Variants in DAB1 observed in about 807,000 individuals in gnomAD.
DAB1 encodes the protein disabled homolog 1.
DAB1 carries 15 observed loss-of-function variants against 64.6 expected under a neutral mutation model. That is an observed-to-expected ratio of 0.23 (90% CI 0.16 to 0.36). The LOEUF (loss-of-function observed/expected upper bound fraction) is 0.36, where lower values mean the gene tolerates loss of function less well. Among genes scored for constraint, DAB1 ranks in the 10% least tolerant of loss-of-function variants. The probability of loss-of-function intolerance (pLI) is 1.00; values close to 1 mark genes in which losing one functional copy is unlikely to be tolerated. For missense variants in DAB1, 596 were observed against 706.7 expected, an observed-to-expected ratio of 0.84 and a Z score of 1.78; for synonymous variants, 235 against 251.9, an observed-to-expected ratio of 0.93 and a Z score of 0.64.
intron 2 of DAB1, among the ~76,000 whole-genome samples, chr1:57,252,565 T>C (rs1376521506): frequency 6.6e-6 from 1 of 152,228 alleles, no homozygotes; most frequent in Non-Finnish European, 1.5e-5. Flanking sequence ...AGTTAATTTG[T>C]ACCTACTATG....
At chr1:57,379,211 T>C (rs1001429178) in intron 1 of DAB1, among the ~76,000 whole-genome samples, 6 of 152,198 alleles carry the variant, frequency 3.9e-5, no homozygotes, top group African/African-American at 1.4e-4. Flanking sequence ...ATTGAAGTTA[T>C]GTGTGAGATC....
intron 2 of DAB1, among the ~76,000 whole-genome samples, chr1:57,198,561 T>G (rs1664818403): frequency 6.6e-6 from 1 of 151,346 alleles, no homozygotes; most frequent in African/African-American, 2.4e-5. Context: ...GCATTTGCTG[T>G]TCTCTCTACC....
intron 5 of DAB1, among the ~76,000 whole-genome samples, chr1:57,906,799 C>T (rs536300844): frequency 1.3e-5 from 2 of 152,090 alleles, no homozygotes. Flanking sequence ...TGCCTAAGTC[C>T]CTTCTCGTTC....
intron 4 of DAB1, among the ~76,000 whole-genome samples, chr1:58,220,026 AATGAG>A (rs1159390649): frequency 2.6e-5 from 4 of 152,236 alleles, no homozygotes; most frequent in Non-Finnish European, 5.9e-5. Flanking sequence ...GTGCGTATTA[AATGAG>A]ATAACAGAAG....
intron 4 of DAB1, among the ~76,000 whole-genome samples, chr1:58,295,430 T>A (rs1020215856): frequency 1.3e-5 from 2 of 152,082 alleles, no homozygotes; most frequent in African/African-American, 2.4e-5. Context: ...GGGGAAAGCA[T>A]TTTGTAACCC....
At chr1:58,384,429 A>T (rs55875707) in intron 3 of DAB1, among the ~76,000 whole-genome samples, 62,667 of 151,998 alleles carry the variant, frequency 0.41, 13,216 homozygotes, top group East Asian at 0.63. Context: ...ATAAGGAAGT[A>T]CCAGGGATCT....
chr1:57,274,642 G>T (rs145040501), intron 2 of DAB1, among the ~76,000 whole-genome samples: 4,436 of 152,178 alleles, frequency 0.029, 64 homozygotes, highest in Non-Finnish European at 0.038. Flanking sequence ...GTGCAGCTGC[G>T]CCATCTCAGC....
chr1:58,056,309 C>A, intron 5 of DAB1: 2 of 1,528,430 alleles, frequency 1.3e-6, no homozygotes, highest in Non-Finnish European at 1.8e-6. Flanking sequence ...GCATCGAAGA[C>A]GCTCGCTTCA....
chr1:57,432,031 A>C (rs1685536162), intron 7 of DAB1, among the ~76,000 whole-genome samples: 1 of 152,008 alleles, frequency 6.6e-6, no homozygotes, highest in East Asian at 1.9e-4. Flanking sequence ...CTGAGGCAGG[A>C]GAATTGCTTT....
At chr1:57,526,498 A>G (rs1458014539) in intron 7 of DAB1, among the ~76,000 whole-genome samples, 1 of 152,188 alleles carries the variant, frequency 6.6e-6, no homozygotes, top group Non-Finnish European at 1.5e-5. Context: ...CATCTAATTT[A>G]TTTCGATGTA....
At chr1:57,351,504 C>T (rs1678587695) in intron 1 of DAB1, among the ~76,000 whole-genome samples, 2 of 151,980 alleles carry the variant, frequency 1.3e-5, no homozygotes, top group South Asian at 4.2e-4. Flanking sequence ...CGAGCACAGC[C>T]CACTAAGACC....
At chr1:57,229,087 AC>A (rs1437939037) in intron 2 of DAB1, among the ~76,000 whole-genome samples, 2 of 152,220 alleles carry the variant, frequency 1.3e-5, no homozygotes, top group Non-Finnish European at 2.9e-5. Flanking sequence ...TTTTTTAGAA[AC>A]CCTCTTAGAA....
chr1:58,210,074 C>T (rs997482778), intron 4 of DAB1, among the ~76,000 whole-genome samples: 2 of 152,092 alleles, frequency 1.3e-5, no homozygotes, highest in African/African-American at 4.8e-5. Context: ...AAGAAATAAA[C>T]CTTCTACATA....
At chr1:57,866,857 C>G (rs1248449780) in intron 1 of DAB1, among the ~76,000 whole-genome samples, 1 of 152,136 alleles carries the variant, frequency 6.6e-6, no homozygotes, top group African/African-American at 2.4e-5. Context: ...TATGAACTCC[C>G]TGGGCTGAAT....
chr1:57,142,151 A>G (rs1356856320), intron 3 of DAB1, among the ~76,000 whole-genome samples: 2 of 152,178 alleles, frequency 1.3e-5, no homozygotes, highest in Non-Finnish European at 2.9e-5. Flanking sequence ...TAGACAGGCA[A>G]TGGGTCACTC....
At chr1:58,500,276 G>T (rs1645885095) in intron 3 of DAB1, among the ~76,000 whole-genome samples, 1 of 152,110 alleles carries the variant, frequency 6.6e-6, no homozygotes, top group Admixed American at 6.6e-5. Flanking sequence ...CAGCTGCTAT[G>T]ATATTTGCCT....
At chr1:57,425,186 C>G (rs1558364750), upstream of DAB1, among the ~76,000 whole-genome samples, 1 of 152,120 alleles carries the variant, frequency 6.6e-6, no homozygotes. Context: ...TATGTAGATT[C>G]GCACAGCACA....
At chr1:58,048,512 G>A in intron 5 of DAB1, 1 of 1,321,942 alleles carries the variant, frequency 7.6e-7, no homozygotes, top group Admixed American at 1.7e-5. Context: ...GCTTCCTCCA[G>A]AGTAACCAGG....
At chr1:57,267,947 A>G (rs1048940942) in intron 2 of DAB1, among the ~76,000 whole-genome samples, 2 of 152,224 alleles carry the variant, frequency 1.3e-5, no homozygotes, top group Non-Finnish European at 2.9e-5. Context: ...AACCAAAGCC[A>G]TTCCAACTCC....
Sources: allele counts gnomAD v4.1 joint callset (sites outside exome capture counted in the v4.1 genomes callset), GRCh38; gene constraint gnomAD v4.1.1; transcripts MANE v1.5; gene names NCBI Gene and HGNC (gene_info 2026-07-23, HGNC 2026-07-21).